SLC2A13: variants seen among roughly 807,000 people sequenced by gnomAD.
The protein encoded by SLC2A13 is solute carrier family 2 member 13.
In SLC2A13, 32 loss-of-function variants were observed where a neutral mutation model predicts 64.4. That is an observed-to-expected ratio of 0.50 (90% CI 0.37 to 0.67). The LOEUF (loss-of-function observed/expected upper bound fraction) is 0.67. Among genes scored for constraint, SLC2A13 ranks in the 30% least tolerant of loss-of-function variants. The pLI, the probability that SLC2A13 is intolerant of heterozygous loss-of-function variation, is 0.00. For synonymous variants in SLC2A13, 338 were observed against 327.1 expected (o/e 1.03, Z -0.36); for missense variants, 743 against 829.2 (o/e 0.90, Z 1.28).
chr12:40,022,829 C>A (rs1305115899), intron 3 of SLC2A13, among the ~76,000 whole-genome samples: 1 of 149,542 alleles, frequency 6.7e-6, no homozygotes, highest in East Asian at 2.0e-4. Context: ...CAGTACAAGA[C>A]TGTCTCAAAA....
intron 3 of SLC2A13, among the ~76,000 whole-genome samples, chr12:39,985,719 T>A (rs1947018782): frequency 6.6e-6 from 1 of 152,106 alleles, no homozygotes; most frequent in Non-Finnish European, 1.5e-5. Flanking sequence ...AGTCTGCCCA[T>A]TAAATGCCAG....
intron 4 of SLC2A13, among the ~76,000 whole-genome samples, chr12:39,896,855 G>C (rs1018591609): frequency 1.3e-5 from 2 of 152,078 alleles, no homozygotes; most frequent in Admixed American, 6.6e-5. Flanking sequence ...AATTTTTATA[G>C]CTAGAATCAA....
At chr12:39,776,400 A>G (rs1940779733) in intron 7 of SLC2A13, among the ~76,000 whole-genome samples, 1 of 152,250 alleles carries the variant, frequency 6.6e-6, no homozygotes, top group Admixed American at 6.5e-5. Context: ...TATGTGTGGC[A>G]TAAAGGCCAC....
chr12:39,793,236 T>TTTTCTTTAG, intron 7 of SLC2A13, among the ~76,000 whole-genome samples: 1 of 152,114 alleles, frequency 6.6e-6, no homozygotes, highest in East Asian at 1.9e-4. Flanking sequence ...ATTCTATTTA[T>TTTTCTTTAG]AATAGCACTA....
chr12:40,032,287 A>T (rs1947917454), intron 2 of SLC2A13, among the ~76,000 whole-genome samples: 1 of 152,228 alleles, frequency 6.6e-6, no homozygotes, highest in South Asian at 2.1e-4. Context: ...CCTTCTACGG[A>T]CAAGCAAGCG....
intron 3 of SLC2A13, among the ~76,000 whole-genome samples, chr12:39,994,353 A>G (rs1470875670): frequency 6.6e-6 from 1 of 150,510 alleles, no homozygotes; most frequent in African/African-American, 2.4e-5. Flanking sequence ...ACTGTACCCC[A>G]GCCTGGGCAA....
intron 1 of SLC2A13, among the ~76,000 whole-genome samples, chr12:40,094,798 C>A (rs146122812): frequency 1.6e-4 from 25 of 152,330 alleles, no homozygotes; most frequent in African/African-American, 6.0e-4. Flanking sequence ...CAGCATGTGT[C>A]CATGCTTATG....
chr12:39,796,218 T>C (rs764665501), intron 7 of SLC2A13, among the ~76,000 whole-genome samples: 1 of 152,206 alleles, frequency 6.6e-6, no homozygotes, highest in Non-Finnish European at 1.5e-5. Flanking sequence ...TCCCACGATG[T>C]AGGGGGTAGC....
chr12:39,880,768 C>G (rs767122191), intron 4 of SLC2A13, among the ~76,000 whole-genome samples: 6 of 152,200 alleles, frequency 3.9e-5, no homozygotes, highest in Non-Finnish European at 8.8e-5. Context: ...TGGCTTCATA[C>G]CTCTGGCGGC....
chr12:39,860,884 C>T (rs987627896), intron 6 of SLC2A13, among the ~76,000 whole-genome samples: 1 of 152,168 alleles, frequency 6.6e-6, no homozygotes, highest in African/African-American at 2.4e-5. Flanking sequence ...CCCACACCCA[C>T]CCAGAGACAG....
At chr12:39,959,584 G>T (rs1946374238) in intron 3 of SLC2A13, among the ~76,000 whole-genome samples, 1 of 152,138 alleles carries the variant, frequency 6.6e-6, no homozygotes, top group African/African-American at 2.4e-5. Flanking sequence ...TTACTATCAA[G>T]AATTCTTTCT....
chr12:39,763,566 C>A (rs1406633821), intron 9 of SLC2A13, among the ~76,000 whole-genome samples: 1 of 151,964 alleles, frequency 6.6e-6, no homozygotes, highest in Admixed American at 6.6e-5. Flanking sequence ...GAGCTAAGGG[C>A]AGACAAACCT....
intron 3 of SLC2A13, among the ~76,000 whole-genome samples, chr12:40,021,055 T>C (rs989887601): frequency 4.6e-5 from 7 of 152,176 alleles, no homozygotes; most frequent in East Asian, 1.9e-4. Flanking sequence ...TTTTATGAGA[T>C]ATGGATTTAA....
At chr12:39,877,260 T>A (rs1486934302) in intron 4 of SLC2A13, among the ~76,000 whole-genome samples, 1 of 152,058 alleles carries the variant, frequency 6.6e-6, no homozygotes, top group Admixed American at 6.6e-5. Context: ...GGCCTCACAA[T>A]CATGGTGGAA....
Position 40,105,941 on chromosome 12 carries a change from G to A in SLC2A13, c.-133C>T, listed in dbSNP as rs1939296157. 2.6e-6 allele frequency: 3 copies of A among 1,133,178 alleles called. No homozygotes were observed. The highest frequency in any genetic ancestry group is 2.8e-5 in the South Asian group (1 of 35,732). 70.2% of individuals were successfully genotyped at this position (1,133,178 alleles called of 1,614,324 possible). A position where few individuals can be genotyped will look rare whatever the true frequency, so the allele number is the denominator to read the frequency against. On this transcript the variant is annotated 5_prime_UTR_variant, in exon 1 of 10. Coordinates refer to ENST00000280871, the MANE Select transcript of SLC2A13 (RefSeq NM_052885.4). The surrounding 1 kb of genome is among the most constrained non-coding windows in gnomAD (Gnocchi z 4.2). ...CTTCCTCCCGGCTTCCGCTCCGGCT[G>A]CCACGGCAGCAGCCGCCGCCACGGC...
intron 7 of SLC2A13, among the ~76,000 whole-genome samples, chr12:39,790,746 G>T (rs1392270930): frequency 1.2e-5 from 1 of 81,722 alleles, no homozygotes; most frequent in Non-Finnish European, 2.4e-5. Context: ...GTAATGGGAT[G>T]GCTGGGTCAA....
At chr12:39,980,402 C>T (rs1012986495) in intron 3 of SLC2A13, among the ~76,000 whole-genome samples, 3 of 151,608 alleles carry the variant, frequency 2.0e-5, no homozygotes, top group African/African-American at 7.3e-5. Context: ...AGTCAAGACC[C>T]ATCAGTGTGC....
At chr12:40,069,438 A>G (rs1225847426) in intron 1 of SLC2A13, among the ~76,000 whole-genome samples, 1 of 152,132 alleles carries the variant, frequency 6.6e-6, no homozygotes, top group Non-Finnish European at 1.5e-5. Context: ...TGCATCTTAA[A>G]TATGTCAAGA....
At chr12:40,040,638 A>C (rs7978715) in intron 2 of SLC2A13, among the ~76,000 whole-genome samples, 127,447 of 152,182 alleles carry the variant, frequency 0.84, 53,601 homozygotes, top group East Asian at 0.94. Flanking sequence ...GTGATCCACC[A>C]GCTTTGGCCT....
Sources: gnomAD v4.1 joint callset for allele counts (sites outside exome capture counted in the v4.1 genomes callset) on GRCh38, gnomAD v4.1.1 for gene constraint, Gnocchi (gnomAD v3.1) non-coding constraint, MANE v1.5 for transcripts, NCBI Gene and HGNC (gene_info 2026-07-23, HGNC 2026-07-21) for gene names.